Variants in STOX2 observed in about 807,000 individuals in gnomAD.
STOX2 encodes storkhead box 2, also known as storkhead-box protein 2.
In STOX2, 28 loss-of-function variants were observed where a neutral mutation model predicts 60.9. The ratio of observed to expected loss-of-function variants is 0.46; its 90% confidence interval spans 0.34 to 0.63. The LOEUF is 0.63. STOX2 is among the 30% of genes least tolerant of loss of function. The pLI, the probability that STOX2 is intolerant of heterozygous loss-of-function variation, is 0.01. For synonymous variants in STOX2, 472 were observed against 463.9 expected, an observed-to-expected ratio of 1.02 and a Z score of -0.22; for missense variants, 1,024 against 1,187.7, an observed-to-expected ratio of 0.86 and a Z score of 2.03.
At chr4:183,970,183 G>GTGTGTGTGT (rs1560911423) in intron 1 of STOX2, among the ~76,000 whole-genome samples, 932 of 58,924 alleles carry the variant, frequency 0.016, 31 homozygotes, top group African/African-American at 0.039. Context: ...TGTGTGTGTG[G>GTGTGTGTGT]GGTTCCAGCT....
intron 1 of STOX2, among the ~76,000 whole-genome samples, chr4:183,981,966 T>A (rs1290114809): frequency 6.6e-6 from 1 of 152,130 alleles, no homozygotes; most frequent in Non-Finnish European, 1.5e-5. Context: ...AAACGCAAAG[T>A]GCATCTGGAA....
At position 183,841,673 on chromosome 4, in the gene STOX2, G is replaced by A. The variant is rs371897120; in HGVS notation, c.364+43618G>A. Among the ~76,000 whole-genome samples the A allele has an allele frequency of 5.5e-4, 84 of 152,266 alleles. 2 individuals carry two copies. In the South Asian group the frequency reaches 0.016, roughly 30 times the overall value. On this transcript the variant is annotated intron_variant, in intron 1 of 2. Coordinates refer to the STOX2 transcript ENST00000513034. ...AACTTTTTAGAATAGGTAAGAAGTT[G>A]AGAAAATAGAGACAGAAAAAAATAC...
chr4:183,973,448 G>A (rs1302651024), intron 1 of STOX2, among the ~76,000 whole-genome samples: 1 of 152,082 alleles, frequency 6.6e-6, no homozygotes, highest in Non-Finnish European at 1.5e-5. Flanking sequence ...TTTTCTGTTA[G>A]AAACCACAAA....
chr4:183,942,065 C>G (rs1042588382), intron 1 of STOX2, among the ~76,000 whole-genome samples: 5 of 152,098 alleles, frequency 3.3e-5, no homozygotes, highest in Non-Finnish European at 7.4e-5. Context: ...AAGTAATTAG[C>G]CTTCATGCCT....
intron 1 of STOX2, chr4:183,798,076 C>T: frequency 8.2e-7 from 1 of 1,226,128 alleles, no homozygotes; most frequent in Non-Finnish European, 1.0e-6. Flanking sequence ...CCGCCGCGCG[C>T]CCGTCCCGTC....
intron 1 of STOX2, among the ~76,000 whole-genome samples, chr4:183,929,099 G>C (rs1040598748): frequency 6.6e-6 from 1 of 152,158 alleles, no homozygotes; most frequent in East Asian, 1.9e-4. Context: ...AAGATACAAG[G>C]CAGTAACTTA....
Position 184,009,490 on chromosome 4 carries a change from T to A in STOX2, c.652T>A (p.Ser218Thr), listed in dbSNP as rs750914568. The A allele has an allele frequency of 6.2e-7, 1 of 1,614,024 alleles. No homozygotes were observed. Among genetic ancestry groups the A allele is most frequent in the South Asian group, 1.1e-5 (1 of 91,080 alleles). ...STHAPTLQRK[S>T]AKDCKDPYCP... ...GCATGCACCCACCCTGCAAAGGAAG[T>A]CTGCCAAGGACTGCAAAGACCCTTA... Residue 218 changes from serine (S) to threonine (T), a missense_variant, in exon 3 of 4, where the codon TCT (serine) becomes ACT (threonine). By Grantham distance (58) the Ser-to-Thr change is moderately conservative. Coordinates refer to ENST00000308497, the MANE Select transcript of STOX2 (RefSeq NM_020225.3). This position sits in a 1 kb window ranked among gnomAD's most constrained non-coding sequence, Gnocchi z 4.0.
chr4:183,961,164 T>TA (rs771854960), intron 1 of STOX2, among the ~76,000 whole-genome samples: 1 of 152,264 alleles, frequency 6.6e-6, no homozygotes, highest in East Asian at 1.9e-4. Flanking sequence ...GGGGGACACA[T>TA]ACCATAGTTG....
At position 184,021,388 on chromosome 4, in the gene STOX2, T is replaced by G. The variant is rs1395290817; in HGVS notation, c.*4104T>G. 6.6e-6 allele frequency: 1 copy of G among 152,130 alleles called. No homozygotes were observed. The highest frequency in any genetic ancestry group is 1.5e-5 in the Non-Finnish European group (1 of 68,034). 9.4% of individuals were successfully genotyped at this position (152,130 alleles called of 1,614,324 possible). A position where few individuals can be genotyped will look rare whatever the true frequency, so the allele number is the denominator to read the frequency against. The stretch of plus-strand genomic sequence containing the variant: ...AAAATACAATGCTATTTTTCTGATG[T>G]GTGCTAATAAAGTCAAAGAAAACAA... On this transcript the variant is annotated 3_prime_UTR_variant, in exon 4 of 4. Transcript: ENST00000308497.
At chr4:183,860,261 C>G (rs778190951) in intron 1 of STOX2, among the ~76,000 whole-genome samples, 2 of 151,710 alleles carry the variant, frequency 1.3e-5, no homozygotes, top group Non-Finnish European at 2.9e-5. Flanking sequence ...CCAGCCTCAT[C>G]ATTATACAGA....
chr4:183,811,407 T>C (rs1166839730), intron 1 of STOX2, among the ~76,000 whole-genome samples: 1 of 152,210 alleles, frequency 6.6e-6, no homozygotes, highest in Non-Finnish European at 1.5e-5. Context: ...GAACAGATTT[T>C]CAGACGTTAC....
chr4:183,958,329 T>G (rs1743315422), intron 1 of STOX2, among the ~76,000 whole-genome samples: 1 of 152,114 alleles, frequency 6.6e-6, no homozygotes, highest in South Asian at 2.1e-4. Context: ...CACTGGGCTC[T>G]TTGTCTCCTC....
chr4:183,980,602 G>A (rs1732626477), intron 1 of STOX2, among the ~76,000 whole-genome samples: 1 of 152,094 alleles, frequency 6.6e-6, no homozygotes, highest in African/African-American at 2.4e-5. Flanking sequence ...GTCATGCTGA[G>A]TTCAGCTTTG....
chr4:183,843,855 TATA>T (rs1448407233), intron 1 of STOX2, among the ~76,000 whole-genome samples: 1 of 152,240 alleles, frequency 6.6e-6, no homozygotes, highest in African/African-American at 2.4e-5. Context: ...CACTGTATCT[TATA>T]ATAATTGTAA....
In STOX2 at chr4:184,001,621, A is replaced by G. The variant is rs1266277411; in HGVS notation, c.319+144A>G. 6.5e-6 allele frequency: 5 copies of G among 770,928 alleles called. No individual in the cohort carries two copies. In the South Asian group the frequency reaches 9.3e-5, roughly 14 times the overall value. 47.8% of individuals were successfully genotyped at this position (770,928 alleles called of 1,614,324 possible). ...GACCCGAAGCTTTCCTTACTTCTGT[A>G]ATTAAAAATTCAGGCACCTGCATGA... On this transcript the variant is annotated intron_variant, in intron 2 of 3. Coordinates refer to ENST00000308497, the MANE Select transcript of STOX2 (RefSeq NM_020225.3). The surrounding 1 kb of genome is among the most constrained non-coding windows in gnomAD (Gnocchi z 4.2).
At chr4:183,953,313 G>T (rs933368901) in intron 1 of STOX2, among the ~76,000 whole-genome samples, 7 of 152,238 alleles carry the variant, frequency 4.6e-5, no homozygotes, top group Non-Finnish European at 7.4e-5. Context: ...TCACACAGGG[G>T]TGGTATATGG....
At chr4:183,941,774 G>C (rs548579210) in intron 1 of STOX2, among the ~76,000 whole-genome samples, 1 of 152,266 alleles carries the variant, frequency 6.6e-6, no homozygotes, top group African/African-American at 2.4e-5. Context: ...GCCTTACAAA[G>C]CTCCACTAGA....
intron 1 of STOX2, among the ~76,000 whole-genome samples, chr4:183,802,581 G>A (rs970307931): frequency 6.8e-6 from 1 of 147,984 alleles, no homozygotes; most frequent in African/African-American, 2.5e-5. Flanking sequence ...GTCTCCCTAT[G>A]TTGCCAAGGC....
intron 1 of STOX2, among the ~76,000 whole-genome samples, chr4:183,959,859 G>A (rs1200650807): frequency 6.6e-6 from 1 of 152,140 alleles, no homozygotes; most frequent in Non-Finnish European, 1.5e-5. Context: ...TCTGGCTGGA[G>A]CTACATGCAG....
Sources: gnomAD v4.1 joint callset for allele counts (sites outside exome capture counted in the v4.1 genomes callset) on GRCh38, gnomAD v4.1.1 for gene constraint, Gnocchi (gnomAD v3.1) non-coding constraint, MANE v1.5 for transcripts, NCBI Gene and HGNC (gene_info 2026-07-23, HGNC 2026-07-21) for gene names.